Variants in MYO3B observed in about 807,000 individuals in gnomAD.
MYO3B encodes the protein myosin IIIB, also known as myosin-IIIb.
In MYO3B, 156 loss-of-function variants were observed where a neutral mutation model predicts 174.6. That is an observed-to-expected ratio of 0.89 (90% confidence interval 0.78 to 1.02). MYO3B has a LOEUF of 1.02. MYO3B is among the 50% of genes least tolerant of loss of function. The probability of loss-of-function intolerance (pLI) is 0.00; values close to 1 mark genes in which losing one functional copy is unlikely to be tolerated. For missense variants in MYO3B, 1,632 were observed against 1,639.4 expected, an observed-to-expected ratio of 1.00 and a Z score of 0.08; for synonymous variants, 563 against 569.1, an observed-to-expected ratio of 0.99 and a Z score of 0.15.
chr2:170,418,844 C>T (rs1292113733), intron 22 of MYO3B, among the ~76,000 whole-genome samples: 1 of 152,122 alleles, frequency 6.6e-6, no homozygotes, highest in East Asian at 1.9e-4. Flanking sequence ...AATCTCATCC[C>T]CTAATTGGAT....
At chr2:170,527,933 G>A (rs562616987) in intron 30 of MYO3B, among the ~76,000 whole-genome samples, 1 of 152,216 alleles carries the variant, frequency 6.6e-6, no homozygotes, top group African/African-American at 2.4e-5. Context: ...GCCATAACTG[G>A]CATAAAATGA....
intron 32 of MYO3B, among the ~76,000 whole-genome samples, chr2:170,607,336 CT>C (rs1294809460): frequency 1.3e-5 from 2 of 152,244 alleles, no homozygotes; most frequent in Non-Finnish European, 2.9e-5. Flanking sequence ...ACAAAGGTTT[CT>C]TTCGCATTTG....
Position 170,236,091 on chromosome 2 carries a change from C to A in MYO3B, c.704C>A (p.Pro235His), listed in dbSNP as rs754007174. 11 of 1,613,948 alleles carry A rather than the reference C, an allele frequency of 6.8e-6. No individual in the cohort carries two copies. The East Asian group carries it at 1.8e-4, about 26-fold the overall frequency. ...ATTGAACTGGGGGATGGAGACCCTCCCCTCTTTGACATGCATCCTGTGAAA... is the reference window on the plus strand; with the variant it reads ...ATTGAACTGGGGGATGGAGACCCTCACCTCTTTGACATGCATCCTGTGAAA... ...TAIELGDGDPPLFDMHPVKTL... is the reference protein window; with the variant it reads ...TAIELGDGDPHLFDMHPVKTL... The change falls in exon 7 of 35, where the codon CCC becomes CAC. Residue 235 changes from proline to histidine, a missense_variant. Transcript: ENST00000408978.
At chr2:170,528,728 C>T (rs1240246459) in intron 30 of MYO3B, among the ~76,000 whole-genome samples, 1 of 152,144 alleles carries the variant, frequency 6.6e-6, no homozygotes, top group East Asian at 1.9e-4. Context: ...TTTTTGTGCC[C>T]AATGCATCAG....
intron 22 of MYO3B, among the ~76,000 whole-genome samples, chr2:170,411,515 GATA>G (rs1409469888): frequency 2.0e-5 from 3 of 152,196 alleles, no homozygotes; most frequent in Non-Finnish European, 4.4e-5. Flanking sequence ...ACTATGGTAT[GATA>G]ATGTTACAGG....
chr2:170,455,043 T>C (rs545555508), intron 23 of MYO3B, among the ~76,000 whole-genome samples: 82 of 152,264 alleles, frequency 5.4e-4, no homozygotes, highest in African/African-American at 1.9e-3. Context: ...GTAAAATACC[T>C]CAAGCATTGA....
intron 32 of MYO3B, among the ~76,000 whole-genome samples, chr2:170,621,194 T>C (rs1695887914): frequency 6.6e-6 from 1 of 151,998 alleles, no homozygotes; most frequent in African/African-American, 2.4e-5. Context: ...CGGCCAACCA[T>C]AGAAATATTT....
intron 25 of MYO3B, among the ~76,000 whole-genome samples, chr2:170,491,583 G>A (rs895744452): frequency 1.3e-5 from 2 of 152,156 alleles, no homozygotes; most frequent in South Asian, 2.1e-4. Flanking sequence ...CCGCCACCAT[G>A]CCCGGCTAAT....
In MYO3B at chr2:170,401,670, T is replaced by C; in HGVS notation, c.2108T>C (p.Leu703Pro). 2 of 1,613,942 alleles carry C rather than the reference T, an allele frequency of 1.2e-6. No individual in the cohort carries two copies. The highest frequency in any genetic ancestry group is 2.2e-5 in the South Asian group (2 of 91,072). ...ATTGTGAATCGCATTAATACACTCC[T>C]GCAGCCAGACGAAAACATATGGCAA... ...SWIVNRINTLLQPDENICSAG... is the reference protein window; with the variant it reads ...SWIVNRINTLPQPDENICSAG... Residue 703 changes from leucine to proline, a missense_variant, in exon 18 of 35, where the codon CTG becomes CCG. Leu to Pro is a moderately conservative substitution (Grantham distance 98). Coordinates refer to ENST00000408978, the MANE Select transcript of MYO3B (RefSeq NM_138995.5).
At chr2:170,471,743 G>A (rs1684988498) in intron 25 of MYO3B, among the ~76,000 whole-genome samples, 1 of 152,084 alleles carries the variant, frequency 6.6e-6, no homozygotes. Flanking sequence ...TGTAATCCCA[G>A]CACTTTGGGA....
intron 1 of MYO3B, among the ~76,000 whole-genome samples, chr2:170,179,711 A>C (rs1321864707): frequency 2.0e-5 from 3 of 152,188 alleles, no homozygotes. Context: ...TGAGCCAAAT[A>C]AACTTCTATT....
At chr2:170,360,392 T>A (rs1444817391) in intron 8 of MYO3B, among the ~76,000 whole-genome samples, 1 of 152,126 alleles carries the variant, frequency 6.6e-6, no homozygotes, top group African/African-American at 2.4e-5. Context: ...CCCAAAGGCA[T>A]GAACTTGAAA....
At position 170,193,700 on chromosome 2, in the gene MYO3B, T is replaced by C. The variant is rs73025149; in HGVS notation, c.3-5508T>C. Reference sequence around the variant, plus strand: ...ATTTTTAGGTCTTTTAGAGATTTGATAACTTTATAGTGTTTTTAGCATCCA... The same window carrying C: ...ATTTTTAGGTCTTTTAGAGATTTGACAACTTTATAGTGTTTTTAGCATCCA... On this transcript the variant is annotated intron_variant, in intron 1 of 34. Coordinates refer to ENST00000408978, the MANE Select transcript of MYO3B (RefSeq NM_138995.5). Among the ~76,000 whole-genome samples the C allele has an allele frequency of 8.7e-3, 1,327 of 152,230 alleles. 23 individuals are homozygous for C. Among genetic ancestry groups the C allele is most frequent in the African/African-American group, 0.03 (1,246 of 41,568 alleles).
chr2:170,293,139 T>G (rs2093606918), intron 7 of MYO3B, among the ~76,000 whole-genome samples: 1 of 152,144 alleles, frequency 6.6e-6, no homozygotes, highest in South Asian at 2.1e-4. Context: ...TCCTCATATT[T>G]GACTTCTGGG....
chr2:170,620,870 C>T (rs1284931458), intron 32 of MYO3B, among the ~76,000 whole-genome samples: 1 of 152,162 alleles, frequency 6.6e-6, no homozygotes, highest in East Asian at 1.9e-4. Flanking sequence ...TCTAGCCTCT[C>T]AGGGTGTTTG....
intron 7 of MYO3B, among the ~76,000 whole-genome samples, chr2:170,286,238 C>T (rs895788414): frequency 3.3e-5 from 5 of 152,154 alleles, no homozygotes; most frequent in African/African-American, 9.7e-5. Context: ...CAGGTTTCTC[C>T]GTTGCTCTGT....
At chr2:170,511,057 TTTTG>T (rs895960038) in intron 28 of MYO3B, among the ~76,000 whole-genome samples, 3 of 151,358 alleles carry the variant, frequency 2.0e-5, no homozygotes, top group Admixed American at 6.6e-5. Context: ...AGCATTTTCC[TTTTG>T]TTTTTTTTTT....
intron 8 of MYO3B, among the ~76,000 whole-genome samples, chr2:170,358,363 T>C (rs1248252624): frequency 6.6e-6 from 1 of 152,150 alleles, no homozygotes; most frequent in African/African-American, 2.4e-5. Context: ...TTATATGAAA[T>C]GTCCAGATTA....
chr2:170,263,861 G>A (rs951310826), intron 7 of MYO3B, among the ~76,000 whole-genome samples: 4 of 152,108 alleles, frequency 2.6e-5, no homozygotes, highest in Admixed American at 6.5e-5. Flanking sequence ...ACCCTTTACC[G>A]GTATCTCGGG....
Sources: gnomAD v4.1 joint callset for allele counts (sites outside exome capture counted in the v4.1 genomes callset) on GRCh38, gnomAD v4.1.1 for gene constraint, MANE v1.5 for transcripts, NCBI Gene and HGNC (gene_info 2026-07-23, HGNC 2026-07-21) for gene names.